FGF14: variants seen among roughly 807,000 people sequenced by gnomAD.
The protein encoded by FGF14 is fibroblast growth factor 14.
Under a neutral mutation model 25.5 loss-of-function variants are expected in FGF14, and 5 were observed. The observed-to-expected ratio is 0.20, with a 90% CI of 0.10 to 0.41. FGF14 has a LOEUF of 0.41. Among genes scored for constraint, FGF14 ranks in the 10% least tolerant of loss-of-function variants. The pLI is 1.00. For missense variants in FGF14, 222 were observed against 320.1 expected, an observed-to-expected ratio of 0.69 and a Z score of 2.34; for synonymous variants, 138 against 118.3, an observed-to-expected ratio of 1.17 and a Z score of -1.08.
chr13:102,128,441 G>A (rs557655147), intron 1 of FGF14, among the ~76,000 whole-genome samples: 47 of 152,190 alleles, frequency 3.1e-4, no homozygotes, highest in Non-Finnish European at 6.0e-4. Flanking sequence ...ACAGAAAGCT[G>A]AAGTTGATTC....
At chr13:102,369,361 C>G (rs1409387346) in intron 1 of FGF14, among the ~76,000 whole-genome samples, 1 of 152,220 alleles carries the variant, frequency 6.6e-6, no homozygotes, top group Admixed American at 6.5e-5. Context: ...TTCTGCTTTC[C>G]TCTGTGGTAG....
intron 3 of FGF14, among the ~76,000 whole-genome samples, chr13:101,815,949 C>A (rs1360988469): frequency 6.6e-6 from 1 of 152,102 alleles, no homozygotes; most frequent in Non-Finnish European, 1.5e-5. Context: ...AAACTTTGAT[C>A]ATTTTTGGCA....
chr13:101,877,936 C>CT (rs1279262485), intron 1 of FGF14, among the ~76,000 whole-genome samples: 2 of 152,116 alleles, frequency 1.3e-5, no homozygotes, highest in African/African-American at 2.4e-5. Flanking sequence ...CGCTCTTTTT[C>CT]TTTTTTTCTA....
chr13:102,163,921 G>A (rs548261), intron 1 of FGF14, among the ~76,000 whole-genome samples: 19,374 of 152,104 alleles, frequency 0.13, 2,340 homozygotes, highest in East Asian at 0.5. Flanking sequence ...TTCCAGACAT[G>A]AAAAAGAAAT....
chr13:102,354,514 T>A (rs1019901877), intron 1 of FGF14, among the ~76,000 whole-genome samples: 1 of 152,090 alleles, frequency 6.6e-6, no homozygotes. Context: ...CCAATCTACA[T>A]CTTACACATA....
chr13:102,332,772 C>T (rs2138846106), intron 1 of FGF14, among the ~76,000 whole-genome samples: 1 of 152,130 alleles, frequency 6.6e-6, no homozygotes, highest in Admixed American at 6.6e-5. Context: ...AGTTTCTTAA[C>T]ACTTATAAAA....
intron 1 of FGF14, among the ~76,000 whole-genome samples, chr13:101,886,526 T>TA (rs1230801112): frequency 1.1e-4 from 16 of 152,202 alleles, no homozygotes; most frequent in Admixed American, 9.2e-4. Context: ...CTCACTATAT[T>TA]AAAAAATCAA....
chr13:102,029,884 T>C (rs1246595909), intron 1 of FGF14, among the ~76,000 whole-genome samples: 2 of 152,132 alleles, frequency 1.3e-5, no homozygotes, highest in Non-Finnish European at 2.9e-5. Flanking sequence ...GCCCCTGTTA[T>C]GCATTAGGCT....
chr13:102,290,282 G>T (rs2054313472), intron 1 of FGF14, among the ~76,000 whole-genome samples: 1 of 152,120 alleles, frequency 6.6e-6, no homozygotes, highest in African/African-American at 2.4e-5. Flanking sequence ...ACCTGAGGAA[G>T]CAAGGAAAAG....
In FGF14 at chr13:101,948,241, C is replaced by T. The variant is rs191496637; in HGVS notation, c.209-72945G>A. Among the ~76,000 whole-genome samples, 235 of 152,196 alleles carry T rather than the reference C, an allele frequency of 1.5e-3. 1 individual carries two copies. Among genetic ancestry groups the T allele is most frequent in the African/African-American group, 5.5e-3 (229 of 41,532 alleles). On this transcript the variant is annotated intron_variant, in intron 1 of 4. Transcript: ENST00000376131. ...TTATTTTTTATTAGTAGCAATTAGT[C>T]ATCCACATGTATTTTGAAATAGCTC...
intron 1 of FGF14, among the ~76,000 whole-genome samples, chr13:102,224,517 T>A (rs1380774100): frequency 1.3e-5 from 2 of 152,088 alleles, no homozygotes; most frequent in Non-Finnish European, 2.9e-5. Context: ...TACCACAAGT[T>A]GTCCTAGGAC....
chr13:102,223,753 C>A, intron 1 of FGF14, among the ~76,000 whole-genome samples: 1 of 152,092 alleles, frequency 6.6e-6, no homozygotes, highest in East Asian at 1.9e-4. Context: ...CACAGTTTAC[C>A]AGCATAACTT....
intron 3 of FGF14, among the ~76,000 whole-genome samples, chr13:101,753,334 C>CT (rs1050123899): frequency 2.7e-5 from 4 of 150,900 alleles, no homozygotes; most frequent in African/African-American, 9.8e-5. Flanking sequence ...CACACACGGT[C>CT]TGTAATTTGA....
intron 1 of FGF14, chr13:102,394,417 C>G (rs1688527405): frequency 6.6e-6 from 1 of 152,452 alleles, no homozygotes; most frequent in African/African-American, 2.4e-5. Context: ...CCGGCCACCA[C>G]GGAAGAGCGA....
intron 3 of FGF14, among the ~76,000 whole-genome samples, chr13:101,743,263 A>G (rs1278686338): frequency 6.6e-6 from 1 of 152,222 alleles, no homozygotes; most frequent in African/African-American, 2.4e-5. Flanking sequence ...CTTTTGGTTT[A>G]CAGAGACTAA....
upstream of FGF14, among the ~76,000 whole-genome samples, chr13:101,920,921 A>G (rs1189115595): frequency 1.3e-5 from 2 of 152,134 alleles, no homozygotes; most frequent in Admixed American, 1.3e-4. Context: ...AAAATACTAT[A>G]CAAGCATCAG....
At chr13:102,203,567 AT>A (rs2049768820) in intron 1 of FGF14, among the ~76,000 whole-genome samples, 1 of 152,216 alleles carries the variant, frequency 6.6e-6, no homozygotes, top group African/African-American at 2.4e-5. Flanking sequence ...AATGAGACCA[AT>A]AAGAGGATAT....
chr13:102,393,050 C>T (rs908466355), intron 1 of FGF14, among the ~76,000 whole-genome samples: 3 of 152,186 alleles, frequency 2.0e-5, no homozygotes, highest in Non-Finnish European at 4.4e-5. Flanking sequence ...CAATCTTTGA[C>T]GCCCCCAAAG....
intron 3 of FGF14, among the ~76,000 whole-genome samples, chr13:101,774,022 T>C (rs9518535): frequency 1.9e-4 from 29 of 151,840 alleles, no homozygotes; most frequent in Non-Finnish European, 4.0e-4. Context: ...GCCCCAGTTT[T>C]CTCATTTATA....
Sources: allele counts gnomAD v4.1 joint callset (sites outside exome capture counted in the v4.1 genomes callset), GRCh38; gene constraint gnomAD v4.1.1; transcripts MANE v1.5; gene names NCBI Gene and HGNC (gene_info 2026-07-23, HGNC 2026-07-21).